Variants in EPM2A observed in about 807,000 individuals in gnomAD.
EPM2A encodes EPM2A glucan phosphatase, laforin.
In EPM2A, 21 loss-of-function variants were observed where a neutral mutation model predicts 26.5. The ratio of observed to expected loss-of-function variants is 0.79; its 90% CI spans 0.56 to 1.14. EPM2A has a LOEUF of 1.14. Ranked by LOEUF, EPM2A falls within the 50% of genes most tolerant of loss-of-function variation. The pLI is 0.00. For missense variants in EPM2A, 458 were observed against 440.8 expected, an observed-to-expected ratio of 1.04 and a Z score of -0.35; for synonymous variants, 217 against 177.6, an observed-to-expected ratio of 1.22 and a Z score of -1.76.
intron 1 of EPM2A, among the ~76,000 whole-genome samples, chr6:145,702,576 A>C (rs1267885714): frequency 6.6e-6 from 1 of 152,260 alleles, no homozygotes. Flanking sequence ...AAACTATCAC[A>C]GTTGATGTTC....
chr6:145,596,959 A>ATCTCGGC (rs11281714), intron 2 of EPM2A, among the ~76,000 whole-genome samples: 63,913 of 142,344 alleles, frequency 0.45, 14,944 homozygotes, highest in African/African-American at 0.57. Context: ...CAGTGGCGCA[A>ATCTCGGC]TCTCGGCTCA....
intron 4 of EPM2A, among the ~76,000 whole-genome samples, chr6:145,416,522 T>C (rs1186826695): frequency 6.6e-6 from 1 of 151,972 alleles, no homozygotes; most frequent in Non-Finnish European, 1.5e-5. Flanking sequence ...CTTGCAAGAA[T>C]TAAAAACCAA....
chr6:145,702,925 T>C (rs1482368091), intron 1 of EPM2A, among the ~76,000 whole-genome samples: 1 of 152,196 alleles, frequency 6.6e-6, no homozygotes, highest in Non-Finnish European at 1.5e-5. Flanking sequence ...TTGTTCTCTA[T>C]TTTTATAAAA....
chr6:145,414,972 C>T (rs1485407363), intron 4 of EPM2A, among the ~76,000 whole-genome samples: 2 of 152,134 alleles, frequency 1.3e-5, no homozygotes, highest in Non-Finnish European at 1.5e-5. Flanking sequence ...CACTTTTCCC[C>T]CCGTATCCTA....
chr6:145,393,471 C>A (rs1336235299), intron 4 of EPM2A, among the ~76,000 whole-genome samples: 2 of 151,956 alleles, frequency 1.3e-5, no homozygotes, highest in African/African-American at 2.4e-5. Flanking sequence ...AAAACTAATT[C>A]TTTTCCCAAA....
intron 2 of EPM2A, chr6:145,639,924 T>C (rs1180277451): frequency 6.6e-6 from 1 of 152,174 alleles, no homozygotes; most frequent in Non-Finnish European, 1.5e-5. Flanking sequence ...ATAAATAAAA[T>C]CTACCCTAGT....
At chr6:145,718,760 A>C (rs1008084247) in intron 1 of EPM2A, among the ~76,000 whole-genome samples, 1 of 152,250 alleles carries the variant, frequency 6.6e-6, no homozygotes, top group Non-Finnish European at 1.5e-5. Context: ...CAATGAACTC[A>C]AACAAATTTA....
At chr6:145,493,394 T>C (rs1779778621) in intron 4 of EPM2A, among the ~76,000 whole-genome samples, 1 of 152,218 alleles carries the variant, frequency 6.6e-6, no homozygotes, top group Non-Finnish European at 1.5e-5. Context: ...TGGGCTGATA[T>C]GTTGGAATTT....
In EPM2A at chr6:145,735,246, A is replaced by G; in HGVS notation, c.253T>C (p.Trp85Arg). The G allele has an allele frequency of 6.5e-7, 1 of 1,538,472 alleles. No homozygotes were observed. Among genetic ancestry groups the G allele is most frequent in the Non-Finnish European group, 8.8e-7 (1 of 1,141,906 alleles). The stretch of plus-strand genomic sequence containing the variant: ...GGCTCCCGCTTCAGGAACTTGTACC[A>G]GAACGTGTCCACGCGGCCCGGCTCC... ...GAEPGRVDTF[W>R]YKFLKREPGG... is the part of the protein sequence containing the mutation. Residue 85 changes from tryptophan to arginine, a missense_variant, in exon 1 of 4, where the codon TGG (tryptophan) becomes CGG (arginine). Transcript: ENST00000367519.
intron 2 of EPM2A, among the ~76,000 whole-genome samples, chr6:145,544,731 T>C (rs1780561504): frequency 6.6e-6 from 1 of 152,172 alleles, no homozygotes; most frequent in South Asian, 2.1e-4. Flanking sequence ...GAGTGGCTTT[T>C]GCTCAGATCA....
At chr6:145,403,834 C>T (rs918211804) in intron 4 of EPM2A, among the ~76,000 whole-genome samples, 3 of 152,128 alleles carry the variant, frequency 2.0e-5, no homozygotes, top group African/African-American at 7.2e-5. Flanking sequence ...TTTGAGGAAC[C>T]TCCAAACTAT....
chr6:145,404,702 T>A (rs952748569), intron 4 of EPM2A, among the ~76,000 whole-genome samples: 1 of 152,132 alleles, frequency 6.6e-6, no homozygotes, highest in Non-Finnish European at 1.5e-5. Context: ...ATCCTGAAAA[T>A]CCAAAAGAGT....
At chr6:145,401,017 C>A (rs1211703745) in intron 4 of EPM2A, among the ~76,000 whole-genome samples, 1 of 151,952 alleles carries the variant, frequency 6.6e-6, no homozygotes, top group Non-Finnish European at 1.5e-5. Flanking sequence ...TAATAAAGTA[C>A]CTTTGACTTT....
intron 4 of EPM2A, among the ~76,000 whole-genome samples, chr6:145,445,271 C>G (rs550263597): frequency 6.6e-6 from 1 of 152,192 alleles, no homozygotes; most frequent in African/African-American, 2.4e-5. Flanking sequence ...ACAGCAGCAA[C>G]AAAACATTTG....
At chr6:145,481,832 T>C (rs1160505305) in intron 4 of EPM2A, among the ~76,000 whole-genome samples, 2 of 152,176 alleles carry the variant, frequency 1.3e-5, no homozygotes, top group African/African-American at 2.4e-5. Context: ...TGTGTACATA[T>C]AGTCTCTAGG....
intron 4 of EPM2A, among the ~76,000 whole-genome samples, chr6:145,405,581 T>G (rs1778556611): frequency 6.6e-6 from 1 of 152,168 alleles, no homozygotes; most frequent in Non-Finnish European, 1.5e-5. Context: ...TCTCCTTTTC[T>G]AAATTTTAAA....
intron 4 of EPM2A, among the ~76,000 whole-genome samples, chr6:145,437,140 A>G (rs1437255181): frequency 6.6e-6 from 1 of 151,922 alleles, no homozygotes; most frequent in Non-Finnish European, 1.5e-5. Context: ...ATGGGGGCAT[A>G]TTTCCCCCAT....
At chr6:145,505,462 T>A (rs1779958899) in intron 2 of EPM2A, among the ~76,000 whole-genome samples, 1 of 152,072 alleles carries the variant, frequency 6.6e-6, no homozygotes, top group Non-Finnish European at 1.5e-5. Context: ...AAAAGTAAGC[T>A]GCAGCCATGA....
At chr6:145,499,768 C>A (rs1462589000), downstream of EPM2A, among the ~76,000 whole-genome samples, 1 of 152,144 alleles carries the variant, frequency 6.6e-6, no homozygotes, top group Non-Finnish European at 1.5e-5. Context: ...ACAGAGAAAA[C>A]ATTTTTATAT....
Sources: allele counts gnomAD v4.1 joint callset (sites outside exome capture counted in the v4.1 genomes callset), GRCh38; gene constraint gnomAD v4.1.1; transcripts MANE v1.5; gene names NCBI Gene and HGNC (gene_info 2026-07-23, HGNC 2026-07-21).